GRIK2: variants seen among roughly 807,000 people sequenced by gnomAD.
The protein encoded by GRIK2 is glutamate ionotropic receptor kainate type subunit 2.
In GRIK2, 32 loss-of-function variants were observed where a neutral mutation model predicts 100.3. That is an observed-to-expected ratio of 0.32 (90% CI 0.24 to 0.43). The LOEUF (loss-of-function observed/expected upper bound fraction) is 0.43. Among genes scored for constraint, GRIK2 ranks in the 20% least tolerant of loss-of-function variants. The pLI, the probability that GRIK2 is intolerant of heterozygous loss-of-function variation, is 1.00. For missense variants in GRIK2, 843 were observed against 1,114.9 expected, an observed-to-expected ratio of 0.76 and a Z score of 3.47; for synonymous variants, 417 against 389.4, an observed-to-expected ratio of 1.07 and a Z score of -0.83.
intron 2 of GRIK2, among the ~76,000 whole-genome samples, chr6:101,548,919 T>C (rs916922884): frequency 1.3e-5 from 2 of 152,216 alleles, no homozygotes; most frequent in African/African-American, 4.8e-5. Flanking sequence ...AGAACACTTA[T>C]AGTTTGAACA....
At chr6:102,063,019 A>G (rs1025345210) in intron 16 of GRIK2, among the ~76,000 whole-genome samples, 3 of 150,690 alleles carry the variant, frequency 2.0e-5, no homozygotes, top group African/African-American at 7.3e-5. Context: ...CTATAGAGTC[A>G]GAAATTAATT....
At chr6:101,877,573 AC>A (rs1210769482) in intron 11 of GRIK2, among the ~76,000 whole-genome samples, 1 of 152,028 alleles carries the variant, frequency 6.6e-6, no homozygotes, top group Non-Finnish European at 1.5e-5. Context: ...AGATGACTAT[AC>A]AAATATGACA....
chr6:101,968,068 G>A (rs1792801691), intron 14 of GRIK2, among the ~76,000 whole-genome samples: 1 of 151,856 alleles, frequency 6.6e-6, no homozygotes, highest in Admixed American at 6.6e-5. Flanking sequence ...CCTTGAATGT[G>A]CCCTTCTCCA....
chr6:101,985,419 C>T (rs1418586301), intron 14 of GRIK2, among the ~76,000 whole-genome samples: 1 of 151,698 alleles, frequency 6.6e-6, no homozygotes, highest in Non-Finnish European at 1.5e-5. Context: ...TTCTTATCTT[C>T]CCTGGTGACA....
intron 2 of GRIK2, among the ~76,000 whole-genome samples, chr6:101,461,862 A>G (rs1489116775): frequency 6.6e-6 from 1 of 152,170 alleles, no homozygotes; most frequent in Non-Finnish European, 1.5e-5. Flanking sequence ...TACGTCCTAA[A>G]GCCCAATTCT....
chr6:101,948,964 G>A (rs1791446689), intron 14 of GRIK2, among the ~76,000 whole-genome samples: 1 of 152,082 alleles, frequency 6.6e-6, no homozygotes, highest in African/African-American at 2.4e-5. Flanking sequence ...ATTTCCTCCA[G>A]TCGTAGCACA....
intron 7 of GRIK2, among the ~76,000 whole-genome samples, chr6:101,705,374 A>G (rs1489301432): frequency 6.6e-6 from 1 of 151,712 alleles, no homozygotes; most frequent in African/African-American, 2.4e-5. Flanking sequence ...CAAAAATACC[A>G]AAAGTTTACC....
chr6:101,960,048 G>GTTTTTTTTTTTTTTTTTTTTTTT (rs3029100), intron 14 of GRIK2, among the ~76,000 whole-genome samples: 5 of 118,266 alleles, frequency 4.2e-5, no homozygotes, highest in African/African-American at 1.1e-4. Context: ...TTTTTTTAGT[G>GTTTTTTTTTTTTTTTTTTTTTTT]TTTTGTTTTT....
intron 2 of GRIK2, among the ~76,000 whole-genome samples, chr6:101,592,810 G>A (rs956429691): frequency 6.6e-6 from 1 of 151,200 alleles, no homozygotes; most frequent in Non-Finnish European, 1.5e-5. Flanking sequence ...GGCCACTGAT[G>A]TCTCATTGAG....
intron 12 of GRIK2, among the ~76,000 whole-genome samples, chr6:101,901,760 A>G (rs1316061676): frequency 6.6e-6 from 1 of 151,976 alleles, no homozygotes; most frequent in East Asian, 1.9e-4. Flanking sequence ...TTTATTTTTC[A>G]TTAAGATTAT....
intron 4 of GRIK2, among the ~76,000 whole-genome samples, chr6:101,666,565 T>C (rs1476590091): frequency 6.6e-6 from 1 of 152,192 alleles, no homozygotes; most frequent in Non-Finnish European, 1.5e-5. Flanking sequence ...TCTTGTTAGA[T>C]AGGACATGGC....
chr6:101,509,151 C>A (rs1283295016), intron 2 of GRIK2, among the ~76,000 whole-genome samples: 1 of 103,422 alleles, frequency 9.7e-6, no homozygotes, highest in African/African-American at 4.4e-5. Flanking sequence ...GAGCGAGACT[C>A]TGTCTCAAAA....
intron 2 of GRIK2, among the ~76,000 whole-genome samples, chr6:101,538,276 A>G (rs893840920): frequency 1.3e-5 from 2 of 151,712 alleles, no homozygotes; most frequent in Non-Finnish European, 3.0e-5. Flanking sequence ...TATAAATTTG[A>G]CAGTAAAGTG....
At chr6:101,484,959 A>G (rs778912004) in intron 2 of GRIK2, among the ~76,000 whole-genome samples, 3 of 152,160 alleles carry the variant, frequency 2.0e-5, no homozygotes, top group Non-Finnish European at 4.4e-5. Context: ...TCCGGTCTTG[A>G]AGGAATAAGG....
chr6:101,729,515 A>G (rs1020005043), intron 7 of GRIK2, among the ~76,000 whole-genome samples: 1 of 151,986 alleles, frequency 6.6e-6, no homozygotes, highest in Non-Finnish European at 1.5e-5. Flanking sequence ...AGTAAATTGC[A>G]TATTGCACAT....
At chr6:101,528,198 T>C (rs1351564039) in intron 2 of GRIK2, among the ~76,000 whole-genome samples, 1 of 152,168 alleles carries the variant, frequency 6.6e-6, no homozygotes, top group Non-Finnish European at 1.5e-5. Flanking sequence ...TAGTAAATAT[T>C]AGCTATTATC....
chr6:101,644,976 G>A (rs1781449432), intron 4 of GRIK2, among the ~76,000 whole-genome samples: 1 of 151,614 alleles, frequency 6.6e-6, no homozygotes, highest in Non-Finnish European at 1.5e-5. Context: ...ATTCTTGATG[G>A]AGGTACTGGA....
chr6:102,068,317 A>T (rs773973312), intron 16 of GRIK2, 30 bp from the exon 17 acceptor site: 1 of 1,510,806 alleles, frequency 6.6e-7, no homozygotes, highest in South Asian at 1.1e-5. Flanking sequence ...TGTATCTTGT[A>T]ATATTTAATT....
In GRIK2 at chr6:102,055,365, C is replaced by A; in HGVS notation, c.2347C>A (p.Leu783Ile). ...TCGAGACAAAATTACCATAGCAATT[C>A]TTCAGCTGCAAGAGGAAGGCAAACT... ...PYRDKITIAI[L>I]QLQEEGKLHM... is the part of the protein sequence containing the mutation. The change falls in exon 16 of 17, where the codon CTT (leucine) becomes ATT (isoleucine). Residue 783 changes from leucine (L) to isoleucine (I), a missense_variant. Physicochemically the swap from Leu to Ile is conservative, Grantham distance 5 (BLOSUM62 2). Transcript: ENST00000369134. 6.2e-7 allele frequency: 1 copy of A among 1,611,362 alleles called. No individual in the cohort carries two copies. The highest frequency in any genetic ancestry group is 8.5e-7 in the Non-Finnish European group (1 of 1,177,648).
Sources: allele counts gnomAD v4.1 joint callset (sites outside exome capture counted in the v4.1 genomes callset), GRCh38; gene constraint gnomAD v4.1.1; transcripts MANE v1.5; gene names NCBI Gene and HGNC (gene_info 2026-07-23, HGNC 2026-07-21).